Variants in IPO5 observed in about 807,000 individuals in gnomAD.
IPO5 encodes the protein importin-5.
IPO5 carries 18 observed loss-of-function variants against 143.3 expected under a neutral mutation model. The ratio of observed to expected loss-of-function variants is 0.13; its 90% CI spans 0.09 to 0.19. The LOEUF is 0.19. IPO5 is among the 10% of genes least tolerant of loss of function. IPO5 has a pLI of 1.00. For missense variants in IPO5, 1,013 were observed against 1,336.9 expected (o/e 0.76, Z 3.78); for synonymous variants, 477 against 465.7 (o/e 1.02, Z -0.31).
At chr13:97,983,130 G>A (rs888325861) in intron 5 of IPO5, among the ~76,000 whole-genome samples, 5 of 152,120 alleles carry the variant, frequency 3.3e-5, no homozygotes, top group Admixed American at 6.5e-5. Flanking sequence ...TTCAGCCTCC[G>A]AAAGTGCTGG....
At chr13:97,988,665 G>A (rs1887574410) in intron 6 of IPO5, among the ~76,000 whole-genome samples, 1 of 152,196 alleles carries the variant, frequency 6.6e-6, no homozygotes, top group African/African-American at 2.4e-5. Flanking sequence ...GCAGGCGCCT[G>A]TAATCCCAGC....
Position 98,022,364 on chromosome 13 carries a change from G to A in IPO5, c.*542G>A, listed in dbSNP as rs1257489170. ...GTCACTTTGGTTCTTTTTCCCAGAA[G>A]GCTTATACAGTGACTCAGTCGGGAA... On this transcript the variant is annotated 3_prime_UTR_variant, in exon 29 of 29. Transcript: ENST00000651721. The A allele has an allele frequency of 1.3e-5, 2 of 152,626 alleles. No individual in the cohort carries two copies. Among genetic ancestry groups the A allele is most frequent in the Non-Finnish European group, 2.9e-5 (2 of 68,080 alleles). The allele number at this position is 152,626 out of a possible 1,614,324, so 9.5% of individuals were successfully genotyped here. A position where few individuals can be genotyped will look rare whatever the true frequency, so the allele number is the denominator to read the frequency against.
intron 3 of IPO5, 88 bp downstream of exon 3, chr13:97,969,918 C>T (rs914848194): frequency 6.0e-6 from 6 of 1,001,402 alleles, no homozygotes; most frequent in South Asian, 4.3e-5. Context: ...AGGCTGGTCT[C>T]GAACTCCTGG....
At chr13:97,966,303 C>T (rs549476891) in intron 2 of IPO5, among the ~76,000 whole-genome samples, 1 of 152,056 alleles carries the variant, frequency 6.6e-6, no homozygotes, top group Non-Finnish European at 1.5e-5. Flanking sequence ...TGAGGAAATT[C>T]CTCTTTATTC....
chr13:97,965,865 A>G (rs957170664), intron 2 of IPO5, among the ~76,000 whole-genome samples: 12 of 151,880 alleles, frequency 7.9e-5, no homozygotes, highest in African/African-American at 2.9e-4. Flanking sequence ...CAGGCCGGGC[A>G]CGGTGGCTCA....
chr13:97,977,080 G>C (rs9517155), intron 4 of IPO5: 102,905 of 164,632 alleles, frequency 0.63, 33,732 homozygotes, highest in African/African-American at 0.85. Flanking sequence ...GGGCGGGCCC[G>C]GGGCCCCAAC....
intron 12 of IPO5, 114 bp downstream of exon 12, chr13:97,997,732 C>T: frequency 2.1e-6 from 1 of 473,458 alleles, no homozygotes; most frequent in East Asian, 3.3e-5. Context: ...GAATATGGGG[C>T]ACTTTGCCTT....
intron 28 of IPO5, 175 bp downstream of exon 28, chr13:98,021,308 C>G (rs1594140397): frequency 2.1e-6 from 1 of 466,260 alleles, no homozygotes; most frequent in Non-Finnish European, 3.6e-6. Context: ...TCCGTATGTA[C>G]TTATTATTTA....
At chr13:98,005,020 C>T (rs187418088) in intron 16 of IPO5, among the ~76,000 whole-genome samples, 5 of 151,956 alleles carry the variant, frequency 3.3e-5, no homozygotes, top group Non-Finnish European at 5.9e-5. Context: ...CTCAGCCTGC[C>T]GAGTAGCTGG....
intron 16 of IPO5, among the ~76,000 whole-genome samples, chr13:98,004,010 G>T (rs575695299): frequency 6.6e-6 from 1 of 152,228 alleles, no homozygotes; most frequent in Non-Finnish European, 1.5e-5. Flanking sequence ...ACAATTGAAT[G>T]ATGTTAGTCC....
At position 97,992,951 on chromosome 13, in the gene IPO5, T is replaced by G; in HGVS notation, c.729T>G (p.Ile243Met). The change falls in exon 10 of 29, where the codon ATT becomes ATG. Residue 243 changes from isoleucine to methionine, a missense_variant. Coordinates refer to ENST00000651721, the MANE Select transcript of IPO5 (RefSeq NM_002271.6). ...CTGTCCTAAAATCCCTCGTTGAGAT[T>G]GCAGATACTGTTCCAAAGTATTTGC... ...DDSVLKSLVEIADTVPKYLRP... is the reference protein window; with the variant it reads ...DDSVLKSLVEMADTVPKYLRP... The G allele has an allele frequency of 6.2e-7, 1 of 1,613,810 alleles. No homozygotes were observed. Among genetic ancestry groups the G allele is most frequent in the Non-Finnish European group, 8.5e-7 (1 of 1,179,678 alleles).
At chr13:97,976,378 A>T (rs1886310906) in intron 3 of IPO5, 1 of 151,562 alleles carries the variant, frequency 6.6e-6, no homozygotes, top group Admixed American at 6.6e-5. Flanking sequence ...GCGGCCCCCG[A>T]TGCGCGGCCA....
chr13:97,974,856 A>G (rs903274121), intron 3 of IPO5, among the ~76,000 whole-genome samples: 8 of 152,188 alleles, frequency 5.3e-5, no homozygotes, highest in African/African-American at 1.9e-4. Context: ...CATCATTGTC[A>G]TGGCCCAAAA....
chr13:97,996,880 C>A (rs1462144651), intron 11 of IPO5, among the ~76,000 whole-genome samples: 1 of 152,186 alleles, frequency 6.6e-6, no homozygotes, highest in Non-Finnish European at 1.5e-5. Flanking sequence ...GCATAAGCCA[C>A]CGCGCCTAGA....
chr13:98,003,577 C>G (rs1436286913), intron 16 of IPO5, among the ~76,000 whole-genome samples: 1 of 152,140 alleles, frequency 6.6e-6, no homozygotes, highest in African/African-American at 2.4e-5. Context: ...GGGCCCGGCA[C>G]GGTGGCTCAT....
chr13:97,996,633 C>T (rs1299345454), intron 11 of IPO5, among the ~76,000 whole-genome samples: 1 of 151,966 alleles, frequency 6.6e-6, no homozygotes, highest in Non-Finnish European at 1.5e-5. Context: ...GACAGAGTCT[C>T]GCTCTGTCGT....
At chr13:97,988,908 A>G (rs900994959) in intron 6 of IPO5, among the ~76,000 whole-genome samples, 154 bp from the exon 7 acceptor site, 23 of 151,692 alleles carry the variant, frequency 1.5e-4, no homozygotes, top group African/African-American at 5.6e-4. Flanking sequence ...TTTTATGGCT[A>G]AAGGACAGAA....
At chr13:97,969,875 T>A (rs1166944093) in intron 3 of IPO5, 45 bp downstream of exon 3, 1 of 1,489,620 alleles carries the variant, frequency 6.7e-7, no homozygotes, top group Admixed American at 1.7e-5. Flanking sequence ...GTTTTGTTTT[T>A]TTTAAAAGAG....
chr13:98,022,046 A>G lies in IPO5; in HGVS notation c.*224A>G. ...AGTTCCTGGAAGCCCTGCGGTAGCT[A>G]GCACTGAAGACTATTTTTCTATTGG... On this transcript the variant is annotated 3_prime_UTR_variant, in exon 29 of 29. Coordinates refer to ENST00000651721, the MANE Select transcript of IPO5 (RefSeq NM_002271.6). 2 of 386,206 alleles carry G rather than the reference A, an allele frequency of 5.2e-6. No homozygotes were observed. The allele number at this position is 386,206 out of a possible 1,614,324, so 23.9% of individuals were successfully genotyped here. A position where few individuals can be genotyped will look rare whatever the true frequency, so the allele number is the denominator to read the frequency against.
Sources: allele counts gnomAD v4.1 joint callset (sites outside exome capture counted in the v4.1 genomes callset), GRCh38; gene constraint gnomAD v4.1.1; transcripts MANE v1.5; gene names NCBI Gene and HGNC (gene_info 2026-07-23, HGNC 2026-07-21).